DDX19B: variants seen among roughly 807,000 people sequenced by gnomAD.
DDX19B encodes the protein DEAD-box helicase 19B.
A neutral mutation model predicts 58.1 loss-of-function variants in DDX19B; 27 were observed. The observed-to-expected ratio is 0.46, with a 90% CI of 0.34 to 0.64. The LOEUF (loss-of-function observed/expected upper bound fraction) is 0.64, where lower values mean the gene tolerates loss of function less well. Among genes scored for constraint, DDX19B ranks in the 30% least tolerant of loss-of-function variants. The pLI, the probability that DDX19B is intolerant of heterozygous loss-of-function variation, is 0.01. For synonymous variants in DDX19B, 187 were observed against 214.4 expected (o/e 0.87, Z 1.12); for missense variants, 399 against 596.5 (o/e 0.67, Z 3.45).
At chr16:70,330,349 G>A (rs1963421352) in intron 9 of DDX19B, among the ~76,000 whole-genome samples, 1 of 152,178 alleles carries the variant, frequency 6.6e-6, no homozygotes, top group African/African-American at 2.4e-5. Context: ...CACTTTGGGA[G>A]GCCAAGGCGG....
chr16:70,309,016 G>A (rs111809906), intron 1 of DDX19B, among the ~76,000 whole-genome samples: 3 of 151,898 alleles, frequency 2.0e-5, no homozygotes, highest in African/African-American at 7.3e-5. Flanking sequence ...ATTAGTGAAG[G>A]ATTTTTACTG....
chr16:70,291,281 C>T (rs1961053964), upstream of DDX19B, among the ~76,000 whole-genome samples: 1 of 152,096 alleles, frequency 6.6e-6, no homozygotes, highest in African/African-American at 2.4e-5. Flanking sequence ...AACCAGGAGA[C>T]ACAAGTGTTT....
intron 5 of DDX19B, among the ~76,000 whole-genome samples, chr16:70,320,371 G>GTTT (rs778237372): frequency 1.1e-4 from 14 of 126,888 alleles, no homozygotes; most frequent in South Asian, 2.6e-4. Context: ...GCCTCCCCCA[G>GTTT]TTTTTTTTTT....
intron 1 of DDX19B, among the ~76,000 whole-genome samples, chr16:70,304,900 C>T (rs1203911471): frequency 6.6e-6 from 1 of 151,982 alleles, no homozygotes; most frequent in Non-Finnish European, 1.5e-5. Flanking sequence ...ACAGACAATA[C>T]CCTGTACGGC....
chr16:70,293,638 T>A (rs1961116719), upstream of DDX19B, among the ~76,000 whole-genome samples: 1 of 125,602 alleles, frequency 8.0e-6, no homozygotes, highest in African/African-American at 3.1e-5. Context: ...GGAGTCTCGC[T>A]CTGTCGCCCA....
chr16:70,294,843 G>C (rs191764636), upstream of DDX19B: 1 of 1,513,102 alleles, frequency 6.6e-7, no homozygotes, highest in Non-Finnish European at 8.8e-7. Flanking sequence ...ATGCTCAGCC[G>C]CGATGGCTGG....
intron 1 of DDX19B, among the ~76,000 whole-genome samples, chr16:70,309,817 CAAAAAAAAAA>C (rs61033553): frequency 4.7e-5 from 2 of 42,638 alleles, no homozygotes; most frequent in Admixed American, 3.7e-4. Context: ...GACTCCGTCT[CAAAAAAAAAA>C]AAAAAAAAAA....
upstream of DDX19B, chr16:70,298,949 A>G (rs775393272): frequency 6.4e-6 from 2 of 313,286 alleles, no homozygotes; most frequent in Non-Finnish European, 1.2e-5. Context: ...AATCTGTATT[A>G]GTGCCTACTC....
chr16:70,324,540 A>G (rs754475895), intron 5 of DDX19B, 45 bp from the exon 6 acceptor site: 11 of 1,556,666 alleles, frequency 7.1e-6, no homozygotes, highest in South Asian at 1.2e-5. Flanking sequence ...TTTGTTAACT[A>G]AAAGGTTGAG....
upstream of DDX19B, chr16:70,299,103 A>G (rs1567620648): frequency 7.5e-7 from 1 of 1,324,584 alleles, no homozygotes; most frequent in East Asian, 3.0e-5. Context: ...TCTGAGGGCA[A>G]CAGAATCGAC....
intron 9 of DDX19B, among the ~76,000 whole-genome samples, chr16:70,330,355 G>C (rs1309273821): frequency 6.6e-6 from 1 of 152,210 alleles, no homozygotes; most frequent in Non-Finnish European, 1.5e-5. Context: ...GGGAGGCCAA[G>C]GCGGGTGGAT....
intron 1 of DDX19B, among the ~76,000 whole-genome samples, chr16:70,306,010 G>A (rs1480402346): frequency 1.3e-5 from 2 of 152,042 alleles, no homozygotes; most frequent in African/African-American, 2.4e-5. Context: ...TGATCCGCCC[G>A]CCTCGGCCTC....
intron 4 of DDX19B, 124 bp from the exon 5 acceptor site, chr16:70,317,372 C>T: frequency 1.5e-6 from 1 of 668,768 alleles, no homozygotes; most frequent in African/African-American, 1.9e-5. Flanking sequence ...TAGATCGAGA[C>T]TCTGCTCAAA....
At chr16:70,302,526 A>C (rs1212986411) in intron 1 of DDX19B, among the ~76,000 whole-genome samples, 1 of 152,142 alleles carries the variant, frequency 6.6e-6, no homozygotes, top group African/African-American at 2.4e-5. Flanking sequence ...GGCTTCTTCC[A>C]CTTAGTATTA....
intron 1 of DDX19B, among the ~76,000 whole-genome samples, chr16:70,307,468 T>G (rs1961818206): frequency 6.6e-6 from 1 of 151,822 alleles, no homozygotes; most frequent in South Asian, 2.1e-4. Context: ...GTTTAAGCGA[T>G]TCTCATGCCT....
chr16:70,327,404 G>A (rs1963222939), intron 7 of DDX19B, among the ~76,000 whole-genome samples: 1 of 152,028 alleles, frequency 6.6e-6, no homozygotes, highest in Non-Finnish European at 1.5e-5. Flanking sequence ...GTGGTGGCAT[G>A]TGCCTGTCGT....
At chr16:70,322,928 A>G (rs1343232759) in intron 5 of DDX19B, among the ~76,000 whole-genome samples, 2 of 150,960 alleles carry the variant, frequency 1.3e-5, no homozygotes, top group Non-Finnish European at 2.9e-5. Context: ...CCCATAAGGA[A>G]CAGCTTACTT....
chr16:70,299,435 G>A, intron 1 of DDX19B, 81 bp downstream of exon 1: 1 of 1,458,512 alleles, frequency 6.9e-7, no homozygotes, highest in Non-Finnish European at 9.2e-7. Flanking sequence ...TGTTTCCCAG[G>A]TTGATTAGAG....
At chr16:70,307,526 C>A (rs1961821861) in intron 1 of DDX19B, among the ~76,000 whole-genome samples, 1 of 151,730 alleles carries the variant, frequency 6.6e-6, no homozygotes, top group African/African-American at 2.4e-5. Context: ...CCATGCCCAG[C>A]CAATTTTTCA....
Sources: allele counts gnomAD v4.1 joint callset (sites outside exome capture counted in the v4.1 genomes callset), GRCh38; gene constraint gnomAD v4.1.1; transcripts MANE v1.5; gene names NCBI Gene and HGNC (gene_info 2026-07-23, HGNC 2026-07-21).